FRMPD1: variants seen among roughly 807,000 people sequenced by gnomAD.
The protein encoded by FRMPD1 is FERM and PDZ domain-containing protein 1.
FRMPD1 carries 76 observed loss-of-function variants against 117.8 expected under a neutral mutation model. That is an observed-to-expected ratio of 0.65 (90% CI 0.54 to 0.78). FRMPD1 has a LOEUF of 0.78. FRMPD1 is among the 30% of genes least tolerant of loss of function. The pLI is 0.00. For synonymous variants in FRMPD1, 783 were observed against 770.4 expected (o/e 1.02, Z -0.27); for missense variants, 1,786 against 1,964.5 (o/e 0.91, Z 1.72).
chr9:37,667,841 C>G (rs1821214693), intron 1 of FRMPD1, among the ~76,000 whole-genome samples: 1 of 152,168 alleles, frequency 6.6e-6, no homozygotes, highest in African/African-American at 2.4e-5. Context: ...AGATCATCTC[C>G]TGCTCTACCT....
chr9:37,650,388 G>A (rs1588898228), upstream of FRMPD1, among the ~76,000 whole-genome samples: 1 of 152,238 alleles, frequency 6.6e-6, no homozygotes, highest in East Asian at 1.9e-4. Flanking sequence ...AGAGGGCCGA[G>A]GAAAGCTAGG....
At chr9:37,744,367 T>C (rs771642398) in intron 15 of FRMPD1, 22 bp from the exon 16 acceptor site, 1 of 1,537,440 alleles carries the variant, frequency 6.5e-7, no homozygotes, top group East Asian at 2.3e-5. Context: ...TTTTAATGTA[T>C]TTTTTCTTTC....
At chr9:37,626,622 G>GGAAAAAAAAAAAAAAAAAAAAAAAAAAA in the FRMPD1 span, among the ~76,000 whole-genome samples, 1 of 48,650 alleles carries the variant, frequency 2.1e-5, no homozygotes, top group Non-Finnish European at 3.9e-5. Flanking sequence ...CCTGGTATCT[G>GGAAAAAAAAAAAAAAAAAAAAAAAAAAA]AAAAAAAAAA....
the FRMPD1 span, among the ~76,000 whole-genome samples, chr9:37,645,317 T>C: frequency 1.3e-5 from 2 of 152,158 alleles, no homozygotes; most frequent in African/African-American, 2.4e-5. Flanking sequence ...TATACAAATA[T>C]CTTATTGCCT....
chr9:37,658,272 C>T (rs535621742), intron 1 of FRMPD1, among the ~76,000 whole-genome samples: 11 of 152,248 alleles, frequency 7.2e-5, no homozygotes, highest in African/African-American at 2.4e-4. Context: ...AGTTAGGTCC[C>T]GGTGGGTCCC....
At chr9:37,649,299 A>G (rs1433960013), upstream of FRMPD1, among the ~76,000 whole-genome samples, 1 of 152,258 alleles carries the variant, frequency 6.6e-6, no homozygotes, top group Non-Finnish European at 1.5e-5. Context: ...GTTAAGAAAT[A>G]ATTCAGAGAG....
At chr9:37,614,929 T>C in the FRMPD1 span, among the ~76,000 whole-genome samples, 1 of 152,106 alleles carries the variant, frequency 6.6e-6, no homozygotes, top group East Asian at 1.9e-4. Context: ...GCTTGATAAG[T>C]GTGGAATTAA....
chr9:37,707,731 T>C (rs1822765738), intron 3 of FRMPD1, among the ~76,000 whole-genome samples, 158 bp downstream of exon 3: 2 of 152,258 alleles, frequency 1.3e-5, no homozygotes, highest in Non-Finnish European at 2.9e-5. Context: ...TGCACCTTAC[T>C]TTGATGCTGG....
chr9:37,642,630 C>G, the FRMPD1 span, among the ~76,000 whole-genome samples: 1 of 152,160 alleles, frequency 6.6e-6, no homozygotes, highest in South Asian at 2.1e-4. Flanking sequence ...ATCCATAATT[C>G]CAGAGGGCTC....
At chr9:37,689,543 T>TA (rs2118004994) in intron 1 of FRMPD1, among the ~76,000 whole-genome samples, 1 of 152,290 alleles carries the variant, frequency 6.6e-6, no homozygotes, top group South Asian at 2.1e-4. Context: ...AGTTGCTCTC[T>TA]AGGTCTTTTA....
chr9:37,685,283 C>T lies in FRMPD1; in HGVS notation c.-4-7355C>T, dbSNP rs1422952401. Reference sequence around the variant, plus strand: ...TTTGAGTTGATATGTGAAGAGTCTTCCTTGTGGCATACCTGAGAGTTGTAT... The same window carrying T: ...TTTGAGTTGATATGTGAAGAGTCTTTCTTGTGGCATACCTGAGAGTTGTAT... On this transcript the variant is annotated intron_variant, in intron 1 of 15. Transcript: ENST00000377765. 2.6e-5 allele frequency among the ~76,000 whole-genome samples: 4 copies of T among 152,124 alleles called. 1 individual carries two copies. The highest frequency in any genetic ancestry group is 5.9e-5 in the Non-Finnish European group (4 of 68,016).
At chr9:37,681,816 T>G (rs1009512599) in intron 1 of FRMPD1, among the ~76,000 whole-genome samples, 2 of 152,158 alleles carry the variant, frequency 1.3e-5, no homozygotes, top group Non-Finnish European at 2.9e-5. Flanking sequence ...AACAGGGTAC[T>G]TTTCTCCCCT....
chr9:37,627,011 A>G, the FRMPD1 span, among the ~76,000 whole-genome samples: 89,608 of 151,792 alleles, frequency 0.59, 27,569 homozygotes, highest in Non-Finnish European at 0.68. Context: ...ACATAATTGG[A>G]CTTTTGTAGT....
the FRMPD1 span, among the ~76,000 whole-genome samples, chr9:37,637,624 T>C: frequency 1.3e-5 from 2 of 152,242 alleles, no homozygotes; most frequent in Non-Finnish European, 2.9e-5. Context: ...TCATAGAGTA[T>C]GTAGCTTTTG....
intron 5 of FRMPD1, among the ~76,000 whole-genome samples, chr9:37,717,673 C>T (rs940073382): frequency 1.3e-5 from 2 of 152,254 alleles, no homozygotes; most frequent in South Asian, 2.1e-4. Flanking sequence ...AGCCACTGCA[C>T]GCAGCCTGAT....
At chr9:37,641,432 C>G in the FRMPD1 span, among the ~76,000 whole-genome samples, 3 of 152,256 alleles carry the variant, frequency 2.0e-5, no homozygotes, top group African/African-American at 4.8e-5. Context: ...TCTCACAACA[C>G]CCTTCAAGGT....
At chr9:37,717,723 T>G (rs2118241642) in intron 5 of FRMPD1, among the ~76,000 whole-genome samples, 1 of 152,280 alleles carries the variant, frequency 6.6e-6, no homozygotes, top group Non-Finnish European at 1.5e-5. Flanking sequence ...ATATGTGTTT[T>G]CCTAAATCCT....
chr9:37,648,584 C>T (rs1412988850), upstream of FRMPD1, among the ~76,000 whole-genome samples: 1 of 152,054 alleles, frequency 6.6e-6, no homozygotes, highest in Non-Finnish European at 1.5e-5. Context: ...CCAACGAAAG[C>T]AAGGGCGGCA....
chr9:37,723,620 G>A (rs1823491091), intron 6 of FRMPD1, among the ~76,000 whole-genome samples: 1 of 152,210 alleles, frequency 6.6e-6, no homozygotes, highest in South Asian at 2.1e-4. Flanking sequence ...TATTTTGGGA[G>A]GCCAAGTCAG....
Sources: gnomAD v4.1 joint callset for allele counts (sites outside exome capture counted in the v4.1 genomes callset) on GRCh38, gnomAD v4.1.1 for gene constraint, MANE v1.5 for transcripts, NCBI Gene and HGNC (gene_info 2026-07-23, HGNC 2026-07-21) for gene names.